The following C10orf90 variants were observed in gnomAD, a reference collection of about 807,000 sequenced individuals.
C10orf90 encodes (E2-independent) E3 ubiquitin-conjugating enzyme FATS.
In C10orf90, 56 loss-of-function variants were observed where a neutral mutation model predicts 62.5. That is an observed-to-expected ratio of 0.90 (90% CI 0.72 to 1.12). The LOEUF is 1.12. C10orf90 is among the 50% of genes most tolerant of loss of function. The probability of loss-of-function intolerance (pLI) is 0.00; values close to 1 mark genes in which losing one functional copy is unlikely to be tolerated. For synonymous variants in C10orf90, 386 were observed against 340.4 expected, an observed-to-expected ratio of 1.13 and a Z score of -1.47; for missense variants, 970 against 880.4, an observed-to-expected ratio of 1.10 and a Z score of -1.29.
At chr10:126,477,711 T>A (rs1860963429) in intron 4 of C10orf90, among the ~76,000 whole-genome samples, 1 of 152,194 alleles carries the variant, frequency 6.6e-6, no homozygotes, top group South Asian at 2.1e-4. Flanking sequence ...CTAAAAGTGG[T>A]CATTTGTGGT....
intron 7 of C10orf90, among the ~76,000 whole-genome samples, chr10:126,443,560 A>G (rs1858538356): frequency 1.3e-5 from 2 of 149,408 alleles, no homozygotes; most frequent in African/African-American, 5.1e-5. Flanking sequence ...GACCAGACGG[A>G]TTCACAGATG....
chr10:126,517,908 C>CAAAA (rs34182199), intron 2 of C10orf90, among the ~76,000 whole-genome samples: 9 of 80,838 alleles, frequency 1.1e-4, no homozygotes, highest in African/African-American at 3.0e-4. Flanking sequence ...GACTCCATCT[C>CAAAA]AAAAAAAAAA....
intron 5 of C10orf90, chr10:126,463,114 C>G (rs1420843201): frequency 6.6e-6 from 1 of 151,070 alleles, no homozygotes; most frequent in Non-Finnish European, 1.5e-5. Flanking sequence ...GTTTCCATGT[C>G]TTCTTGTGAG....
At chr10:126,538,100 C>A (rs1040335907) in intron 2 of C10orf90, among the ~76,000 whole-genome samples, 26 of 152,144 alleles carry the variant, frequency 1.7e-4, no homozygotes, top group Non-Finnish European at 3.1e-4. Context: ...ACTCCCAGTT[C>A]CACATGGCTG....
intron 4 of C10orf90, among the ~76,000 whole-genome samples, chr10:126,497,451 G>T (rs143301239): frequency 6.6e-6 from 1 of 152,186 alleles, no homozygotes; most frequent in Non-Finnish European, 1.5e-5. Context: ...TCTGAGCATC[G>T]CTTCTTCACC....
chr10:126,593,660 G>A (rs560213500), intron 2 of C10orf90, among the ~76,000 whole-genome samples: 40 of 152,118 alleles, frequency 2.6e-4, no homozygotes, highest in African/African-American at 8.7e-4. Flanking sequence ...GTTTATCTAC[G>A]TAACAAACCT....
At chr10:126,596,647 T>A (rs775150151) in intron 2 of C10orf90, among the ~76,000 whole-genome samples, 33 of 152,222 alleles carry the variant, frequency 2.2e-4, no homozygotes, top group Non-Finnish European at 3.5e-4. Context: ...CAGAGTCATC[T>A]GACACAAAGC....
intron 2 of C10orf90, among the ~76,000 whole-genome samples, chr10:126,578,836 C>G (rs531038720): frequency 6.6e-6 from 1 of 152,182 alleles, no homozygotes; most frequent in African/African-American, 2.4e-5. Context: ...CACAAAAAAA[C>G]ACATATTGCA....
chr10:126,533,032 A>G (rs1864146191), intron 2 of C10orf90, among the ~76,000 whole-genome samples: 1 of 150,562 alleles, frequency 6.6e-6, no homozygotes, highest in Non-Finnish European at 1.5e-5. Flanking sequence ...TCCCGGGTTC[A>G]CGTCATTCTC....
At chr10:126,586,408 C>T (rs529128580) in intron 2 of C10orf90, among the ~76,000 whole-genome samples, 1 of 152,324 alleles carries the variant, frequency 6.6e-6, no homozygotes, top group South Asian at 2.1e-4. Flanking sequence ...AAGCCACTGG[C>T]ACAGAGGGCA....
At chr10:126,565,130 T>TATATATTATATAATATATAAA in intron 2 of C10orf90, among the ~76,000 whole-genome samples, 1 of 33,162 alleles carries the variant, frequency 3.0e-5, no homozygotes, top group African/African-American at 1.7e-4. Flanking sequence ...TAATATATAA[T>TATATATTATATAATATATAAA]ATAAATATAA....
chr10:126,463,679 G>C (rs1303627206), intron 5 of C10orf90, among the ~76,000 whole-genome samples: 1 of 152,168 alleles, frequency 6.6e-6, no homozygotes, highest in Non-Finnish European at 1.5e-5. Context: ...ATTTGAAAAC[G>C]TCAAATATAC....
intron 1 of C10orf90, among the ~76,000 whole-genome samples, chr10:126,652,921 G>A (rs2133860851): frequency 6.6e-6 from 1 of 152,252 alleles, no homozygotes; most frequent in South Asian, 2.1e-4. Flanking sequence ...CCACAATAAA[G>A]CAGATTATCA....
At chr10:126,583,685 C>T (rs1289930101) in intron 2 of C10orf90, among the ~76,000 whole-genome samples, 1 of 152,162 alleles carries the variant, frequency 6.6e-6, no homozygotes, top group Non-Finnish European at 1.5e-5. Flanking sequence ...CACAGCTGTC[C>T]GGAGTCTCTC....
intron 7 of C10orf90, among the ~76,000 whole-genome samples, chr10:126,454,082 T>C (rs143157841): frequency 7.9e-5 from 12 of 152,070 alleles, no homozygotes; most frequent in African/African-American, 2.9e-4. Flanking sequence ...ACAGGCACAA[T>C]TGTGTCAATG....
intron 4 of C10orf90, among the ~76,000 whole-genome samples, chr10:126,469,424 A>C (rs555250738): frequency 6.6e-6 from 1 of 152,240 alleles, no homozygotes; most frequent in African/African-American, 2.4e-5. Flanking sequence ...TCTCTGAACA[A>C]AGCAGGCCTC....
intron 4 of C10orf90, among the ~76,000 whole-genome samples, chr10:126,472,802 G>A (rs1417234342): frequency 2.0e-5 from 3 of 152,170 alleles, no homozygotes; most frequent in African/African-American, 7.2e-5. Context: ...TACTGGACAT[G>A]TACGTGCACG....
At chr10:126,579,510 G>T (rs938653725) in intron 2 of C10orf90, among the ~76,000 whole-genome samples, 3 of 151,894 alleles carry the variant, frequency 2.0e-5, no homozygotes, top group Non-Finnish European at 4.4e-5. Flanking sequence ...CAAAGTGCTG[G>T]GCTTAAAGGC....
intron 2 of C10orf90, among the ~76,000 whole-genome samples, chr10:126,544,426 C>T (rs1311576444): frequency 6.6e-6 from 1 of 152,142 alleles, no homozygotes; most frequent in African/African-American, 2.4e-5. Context: ...GGGCCACTAC[C>T]CCTGCTGGGG....
Sources: gnomAD v4.1 joint callset for allele counts (sites outside exome capture counted in the v4.1 genomes callset) on GRCh38, gnomAD v4.1.1 for gene constraint, MANE v1.5 for transcripts, NCBI Gene and HGNC (gene_info 2026-07-23, HGNC 2026-07-21) for gene names.